The following UNC79 variants were observed in gnomAD, a reference collection of about 807,000 sequenced individuals.
UNC79 encodes the protein unc-79 subunit of NALCN channel complex, also known as protein unc-79 homolog.
UNC79 carries 37 observed loss-of-function variants against 283.1 expected under a neutral mutation model. That is an observed-to-expected ratio of 0.13 (90% CI 0.10 to 0.17). The LOEUF (loss-of-function observed/expected upper bound fraction) is 0.17, where lower values mean the gene tolerates loss of function less well. Among genes scored for constraint, UNC79 ranks in the 10% least tolerant of loss-of-function variants. The probability of loss-of-function intolerance (pLI) is 1.00; values close to 1 mark genes in which losing one functional copy is unlikely to be tolerated. For synonymous variants in UNC79, 1,107 were observed against 1,200.2 expected (o/e 0.92, Z 1.61); for missense variants, 2,272 against 3,211.1 (o/e 0.71, Z 7.07).
chr14:93,499,775 G>A (rs967305306), intron 7 of UNC79, among the ~76,000 whole-genome samples: 2 of 152,058 alleles, frequency 1.3e-5, no homozygotes, highest in African/African-American at 4.8e-5. Flanking sequence ...CGGGATGTGG[G>A]CAAGTTTGGG....
chr14:93,532,425 G>A, intron 10 of UNC79, 125 bp from the exon 11 acceptor site: 9 of 1,114,000 alleles, frequency 8.1e-6, no homozygotes, highest in Non-Finnish European at 1.1e-5. Context: ...GGCTATGATG[G>A]TGCCATTGCA....
In UNC79 at chr14:93,580,281, A is replaced by G. The variant is rs1483265597; in HGVS notation, c.2566A>G (p.Ile856Val). The G allele has an allele frequency of 1.9e-6, 3 of 1,614,220 alleles. No homozygotes were observed. Among genetic ancestry groups the G allele is most frequent in the Non-Finnish European group, 2.5e-6 (3 of 1,180,030 alleles). ...CACCTGCCAGAAGGACGAAAAAGCA[A>G]TCGAGTGCAACTTATGTCAGTCTAG... The change falls in exon 19 of 49, where the codon ATC becomes GTC. Residue 856 changes from isoleucine to valine, a missense_variant. This residue lies in a region of UNC79 where 356 missense variants were observed against 416.2 expected (regional missense o/e 0.86). Transcript: ENST00000555664.
chr14:93,583,597 AT>A (rs112187225), intron 20 of UNC79, among the ~76,000 whole-genome samples: 5,627 of 152,258 alleles, frequency 0.037, 346 homozygotes, highest in African/African-American at 0.13. Context: ...AAACTTTAGA[AT>A]TTGAAGGAAT....
chr14:93,390,665 C>T (rs1010527478), intron 1 of UNC79, among the ~76,000 whole-genome samples: 3 of 152,100 alleles, frequency 2.0e-5, no homozygotes, highest in African/African-American at 7.2e-5. Context: ...TGTATGTCAG[C>T]CACATACAGT....
exon 49 of UNC79, chr14:93,706,779 C>T: frequency 6.2e-7 from 1 of 1,614,262 alleles, no homozygotes; most frequent in South Asian, 1.1e-5. Context: ...AAGGACGCTG[C>T]CGGGCTCGGG....
At chr14:93,702,653 C>G (rs2075614004) in intron 47 of UNC79, among the ~76,000 whole-genome samples, 1 of 152,146 alleles carries the variant, frequency 6.6e-6, no homozygotes, top group Non-Finnish European at 1.5e-5. Flanking sequence ...CACATACTGT[C>G]CCCCATCCCA....
intron 39 of UNC79, among the ~76,000 whole-genome samples, chr14:93,660,907 A>G (rs1342780873): frequency 1.3e-5 from 2 of 152,092 alleles, no homozygotes; most frequent in African/African-American, 4.8e-5. Flanking sequence ...AATAGCATTT[A>G]TATGGAGCAA....
chr14:93,599,356 G>C (rs1291014004), intron 24 of UNC79, among the ~76,000 whole-genome samples: 1 of 8,528 alleles, frequency 1.2e-4, no homozygotes, highest in Non-Finnish European at 4.3e-4. Context: ...ATACTTAAGT[G>C]TGTGTGTGTG....
chr14:93,705,637 C>A (rs2075827405), intron 48 of UNC79, among the ~76,000 whole-genome samples: 1 of 152,234 alleles, frequency 6.6e-6, no homozygotes, highest in Admixed American at 6.5e-5. Flanking sequence ...CCAGGCTTTG[C>A]CTTGACTGGC....
intron 1 of UNC79, among the ~76,000 whole-genome samples, chr14:93,417,283 C>T (rs892209008): frequency 6.6e-6 from 1 of 151,964 alleles, no homozygotes; most frequent in African/African-American, 2.4e-5. Context: ...ACTTATGAAG[C>T]TTAGTTTGGC....
At chr14:93,360,753 A>C (rs186856217) in intron 1 of UNC79, among the ~76,000 whole-genome samples, 3 of 152,328 alleles carry the variant, frequency 2.0e-5, no homozygotes. Context: ...TAGTAAACAC[A>C]CTGGACTTAT....
intron 7 of UNC79, among the ~76,000 whole-genome samples, chr14:93,505,100 A>G (rs2059464423): frequency 6.6e-6 from 1 of 152,124 alleles, no homozygotes. Flanking sequence ...ACTTAAAAAG[A>G]ACTCAAGAAT....
At chr14:93,667,618 C>T (rs1235100845) in intron 40 of UNC79, among the ~76,000 whole-genome samples, 1 of 152,120 alleles carries the variant, frequency 6.6e-6, no homozygotes, top group African/African-American at 2.4e-5. Flanking sequence ...CATTTAAGAA[C>T]TGATCGATCT....
chr14:93,594,965 C>T (rs955140855), intron 23 of UNC79, among the ~76,000 whole-genome samples: 1 of 151,986 alleles, frequency 6.6e-6, no homozygotes, highest in African/African-American at 2.4e-5. Context: ...TTAATGCCCA[C>T]AGGAATCTCA....
chr14:93,622,255 C>A, exon 30 of UNC79: 1 of 1,614,174 alleles, frequency 6.2e-7, no homozygotes, highest in Non-Finnish European at 8.5e-7. Context: ...CCAGCCATCC[C>A]TCCGTCCTCA....
chr14:93,585,063 C>T (rs1456976225), intron 20 of UNC79, among the ~76,000 whole-genome samples: 1 of 152,218 alleles, frequency 6.6e-6, no homozygotes. Flanking sequence ...TATTAAAACA[C>T]ATGCTTTGTT....
rs1370911640 is a variant in UNC79 at position 93,582,320 on chromosome 14, T to G, written c.2779T>G (p.Cys927Gly). The change falls in exon 20 of 49, where the codon TGC becomes GGC. Residue 927 changes from cysteine to glycine, a missense_variant. Coordinates refer to ENST00000555664, the Ensembl canonical transcript of UNC79. ...CAAGCATGGGGAGAACCCAGGCAAC[T>G]GCACCGAGCCCGTGGAACATGCTGG... 4 of 1,614,122 alleles carry G rather than the reference T, an allele frequency of 2.5e-6. No homozygotes were observed. The highest frequency in any genetic ancestry group is 3.4e-6 in the Non-Finnish European group (4 of 1,180,014).
chr14:93,404,613 A>C (rs931246836), intron 1 of UNC79, among the ~76,000 whole-genome samples: 2 of 147,536 alleles, frequency 1.4e-5, no homozygotes, highest in African/African-American at 5.0e-5. Context: ...GGGGAAAAGG[A>C]GAGATTACAG....
At chr14:93,654,166 A>G in intron 37 of UNC79, 141 bp downstream of exon 40, 2 of 557,288 alleles carry the variant, frequency 3.6e-6, no homozygotes, top group South Asian at 5.3e-5. Flanking sequence ...AATGAAATCT[A>G]AAATTTTAAA....
Sources: allele counts gnomAD v4.1 joint callset (sites outside exome capture counted in the v4.1 genomes callset), GRCh38; gene constraint gnomAD v4.1.1; regional missense constraint gnomAD v4.1.1; transcripts MANE v1.5; gene names NCBI Gene and HGNC (gene_info 2026-07-23, HGNC 2026-07-21).